Variants in RNF130 observed in about 807,000 individuals in gnomAD.
RNF130 encodes the protein ring finger protein 130.
RNF130 carries 21 observed loss-of-function variants against 44.6 expected under a neutral mutation model. The ratio of observed to expected loss-of-function variants is 0.47; its 90% CI spans 0.33 to 0.68. The LOEUF is 0.68. RNF130 is among the 30% of genes least tolerant of loss of function. The pLI, the probability that RNF130 is intolerant of heterozygous loss-of-function variation, is 0.02. For missense variants in RNF130, 479 were observed against 560.6 expected, an observed-to-expected ratio of 0.85 and a Z score of 1.47; for synonymous variants, 214 against 210.4, an observed-to-expected ratio of 1.02 and a Z score of -0.15.
At chr5:179,971,837 A>C (rs756309892) in intron 5 of RNF130, among the ~76,000 whole-genome samples, 3 of 152,240 alleles carry the variant, frequency 2.0e-5, no homozygotes, top group Non-Finnish European at 4.4e-5. Context: ...TCTGGAACAA[A>C]CATTCATGCT....
At chr5:180,024,670 G>T (rs2113110726) in intron 2 of RNF130, among the ~76,000 whole-genome samples, 1 of 152,244 alleles carries the variant, frequency 6.6e-6, no homozygotes, top group African/African-American at 2.4e-5. Context: ...TGCATGAAAT[G>T]ATTTAAAAAA....
At chr5:180,061,213 C>A (rs1386237008) in intron 1 of RNF130, among the ~76,000 whole-genome samples, 1 of 151,920 alleles carries the variant, frequency 6.6e-6, no homozygotes, top group Non-Finnish European at 1.5e-5. Flanking sequence ...GGCTTAGGAG[C>A]AGCCTCGGTG....
At chr5:180,056,818 C>A (rs1764834836) in intron 1 of RNF130, among the ~76,000 whole-genome samples, 1 of 152,160 alleles carries the variant, frequency 6.6e-6, no homozygotes, top group African/African-American at 2.4e-5. Flanking sequence ...ATAACTACCA[C>A]ATATTCATAA....
chr5:179,967,685 T>TCAGCAGGCAG (rs1215449186), intron 6 of RNF130, among the ~76,000 whole-genome samples: 3 of 152,230 alleles, frequency 2.0e-5, no homozygotes, highest in Non-Finnish European at 2.9e-5. Context: ...TTTGGTTCTC[T>TCAGCAGGCAG]CAGCAGGCAG....
chr5:179,973,630 G>A (rs1438318997), intron 5 of RNF130, among the ~76,000 whole-genome samples: 1 of 152,154 alleles, frequency 6.6e-6, no homozygotes, highest in African/African-American at 2.4e-5. Flanking sequence ...CCGCACGCCT[G>A]ACCGCGCTCA....
chr5:180,011,898 TAAAATTAC>T (rs1763604396), intron 3 of RNF130, among the ~76,000 whole-genome samples: 1 of 152,146 alleles, frequency 6.6e-6, no homozygotes, highest in Admixed American at 6.5e-5. Flanking sequence ...TTGTTAAGTC[TAAAATTAC>T]AAATATAAAA....
chr5:180,002,922 G>GTTATTA (rs1248458464), intron 3 of RNF130, among the ~76,000 whole-genome samples: 267 of 151,944 alleles, frequency 1.8e-3, no homozygotes, highest in African/African-American at 6.1e-3. Flanking sequence ...GATCTGGGTT[G>GTTATTA]TTATTATTAT....
chr5:180,061,419 G>A (rs147665307), intron 1 of RNF130, among the ~76,000 whole-genome samples: 1 of 152,290 alleles, frequency 6.6e-6, no homozygotes, highest in East Asian at 1.9e-4. Context: ...AGTGGCGGCC[G>A]CAAGACATCA....
chr5:180,059,307 T>C (rs974677985), intron 1 of RNF130, among the ~76,000 whole-genome samples: 3 of 152,222 alleles, frequency 2.0e-5, no homozygotes, highest in African/African-American at 7.2e-5. Context: ...CTGAGTCTCT[T>C]CTGCCATTTA....
At chr5:179,989,764 AT>A (rs1414179452) in intron 3 of RNF130, among the ~76,000 whole-genome samples, 1 of 152,076 alleles carries the variant, frequency 6.6e-6, no homozygotes, top group Non-Finnish European at 1.5e-5. Context: ...ACTGAAATAT[AT>A]TGTTATCTAG....
chr5:179,920,116 A>G (rs889539812), exon 8 of RNF130: 3 of 511,718 alleles, frequency 5.9e-6, no homozygotes, highest in Non-Finnish European at 7.0e-6. Flanking sequence ...TCAATACCAC[A>G]AGGCTCACCT....
intron 7 of RNF130, among the ~76,000 whole-genome samples, chr5:179,927,586 C>CTTTTTTT (rs5873673): frequency 8.9e-6 from 1 of 112,174 alleles, no homozygotes; most frequent in Non-Finnish European, 1.8e-5. Context: ...TTAGCTTTGT[C>CTTTTTTT]TTTTTTTTTT....
At chr5:179,930,017 G>A (rs940635513) in intron 7 of RNF130, among the ~76,000 whole-genome samples, 3 of 151,966 alleles carry the variant, frequency 2.0e-5, no homozygotes, top group Admixed American at 6.6e-5. Flanking sequence ...TGATGCTTTT[G>A]TAAATGTTAT....
intron 8 of RNF130, among the ~76,000 whole-genome samples, chr5:179,958,024 C>A (rs959544454): frequency 6.6e-6 from 1 of 151,776 alleles, no homozygotes; most frequent in South Asian, 2.1e-4. Context: ...ACTACAGGCG[C>A]CCGCCACTAC....
rs565742563 is a variant in RNF130 at position 180,039,888 on chromosome 5, G to T, written c.442+565C>A. On this transcript the variant is annotated intron_variant, in intron 2 of 8. Coordinates refer to ENST00000521389, the MANE Select transcript of RNF130 (RefSeq NM_018434.6). ...TGGGAGAGAACATACATCATGCATG[G>T]TTATTGTAAAGACTGTCTAAAAAAT... is the stretch of plus-strand genomic sequence containing the variant. 6.6e-5 allele frequency among the ~76,000 whole-genome samples: 10 copies of T among 152,188 alleles called. No individual in the cohort carries two copies. The South Asian group carries it at 2.1e-3, about 32-fold the overall frequency.
At chr5:179,937,481 A>G (rs1761908393) in intron 7 of RNF130, among the ~76,000 whole-genome samples, 2 of 152,228 alleles carry the variant, frequency 1.3e-5, no homozygotes, top group Non-Finnish European at 2.9e-5. Context: ...GGGAAATGCA[A>G]ATCAAAACCA....
chr5:179,961,212 G>A (rs115200074), intron 8 of RNF130, among the ~76,000 whole-genome samples: 2,403 of 151,926 alleles, frequency 0.016, 26 homozygotes, highest in Admixed American at 0.024. Flanking sequence ...ATCCTTGCTC[G>A]TATCCACATG....
intron 3 of RNF130, among the ~76,000 whole-genome samples, chr5:179,986,368 T>C (rs1762952494): frequency 6.6e-6 from 1 of 152,224 alleles, no homozygotes. Context: ...CGTCATGACT[T>C]CTCTCCGCTT....
rs549457872 is a variant in RNF130 at position 179,948,846 on chromosome 5, CTAAGA to C, written c.1150+17955_1150+17959del. On this transcript the variant is annotated intron_variant, in intron 7 of 7. Coordinates refer to the RNF130 transcript ENST00000522208. ...AATGTGATTTAATGGACTTATCAGG[CTAAGA>C]CTGCCTTAAGCTGCTGGGTAGAATC... is the stretch of plus-strand genomic sequence containing the variant. Among the ~76,000 whole-genome samples, 244 of 152,264 alleles carry C rather than the reference CTAAGA, an allele frequency of 1.6e-3. 1 individual carries two copies. Among genetic ancestry groups the C allele is most frequent in the African/African-American group, 5.6e-3 (231 of 41,550 alleles).
Sources: allele counts gnomAD v4.1 joint callset (sites outside exome capture counted in the v4.1 genomes callset), GRCh38; gene constraint gnomAD v4.1.1; transcripts MANE v1.5; gene names NCBI Gene and HGNC (gene_info 2026-07-23, HGNC 2026-07-21).